The following KPNA7 variants were observed in gnomAD, a reference collection of about 807,000 sequenced individuals.
KPNA7 encodes the protein importin subunit alpha-8.
KPNA7 carries 54 observed loss-of-function variants against 53.7 expected under a neutral mutation model. That is an observed-to-expected ratio of 1.01 (90% confidence interval 0.81 to 1.26). The LOEUF (loss-of-function observed/expected upper bound fraction) is 1.26, where lower values mean the gene tolerates loss of function less well. Ranked by LOEUF, KPNA7 falls within the 50% of genes most tolerant of loss-of-function variation. The probability of loss-of-function intolerance (pLI) is 0.00; values close to 1 mark genes in which losing one functional copy is unlikely to be tolerated. For synonymous variants in KPNA7, 276 were observed against 259.3 expected (o/e 1.06, Z -0.62); for missense variants, 640 against 644.5 (o/e 0.99, Z 0.07).
Position 99,203,142 on chromosome 7 carries a change from A to G in KPNA7, c.165T>C (p.Pro55=). Residue 55 remains proline, a synonymous_variant, in exon 3 of 11, where the codon CCT becomes CCC. Transcript: ENST00000327442. ...TGGCTGTTTTTTCAGAAGGTGTGTCAGGGCAGAAGCTCGTGATATTCCTTC... is the reference window on the plus strand; with the variant it reads ...TGGCTGTTTTTTCAGAAGGTGTGTCGGGGCAGAAGCTCGTGATATTCCTTC... ...LKRRNITSFC[P]DTPSEKTAKG... The G allele has an allele frequency of 6.4e-7, 1 of 1,551,708 alleles. No individual in the cohort carries two copies.
chr7:99,203,692 A>G (rs973810585), intron 2 of KPNA7, among the ~76,000 whole-genome samples: 2 of 151,672 alleles, frequency 1.3e-5, no homozygotes, highest in Non-Finnish European at 2.9e-5. Flanking sequence ...CATTTCCACT[A>G]TATTTATATA....
At chr7:99,161,570 C>G in the KPNA7 span, among the ~76,000 whole-genome samples, 1 of 152,088 alleles carries the variant, frequency 6.6e-6, no homozygotes, top group South Asian at 2.1e-4. Context: ...TTTTTTTAAG[C>G]TGTTAAGTTT....
chr7:99,215,102 G>T (rs1445868157), intron 1 of KPNA7, among the ~76,000 whole-genome samples: 1 of 151,890 alleles, frequency 6.6e-6, no homozygotes, highest in African/African-American at 2.4e-5. Flanking sequence ...AACTCGGCGC[G>T]GTGGCTCATG....
At chr7:99,182,789 G>A (rs1265974318) in intron 8 of KPNA7, among the ~76,000 whole-genome samples, 2 of 151,398 alleles carry the variant, frequency 1.3e-5, no homozygotes, top group Non-Finnish European at 2.9e-5. Flanking sequence ...AACCAATTCA[G>A]GTAATCTACA....
intron 6 of KPNA7, among the ~76,000 whole-genome samples, chr7:99,189,358 C>T (rs1451640270): frequency 1.3e-5 from 2 of 152,004 alleles, no homozygotes; most frequent in Admixed American, 6.6e-5. Context: ...AACTCCTGGG[C>T]TCAAGTGATC....
chr7:99,165,089 C>T, the KPNA7 span, among the ~76,000 whole-genome samples: 3 of 152,086 alleles, frequency 2.0e-5, no homozygotes, highest in South Asian at 2.1e-4. Flanking sequence ...TGCAGTGAGC[C>T]GAGATCATGC....
intron 1 of KPNA7, among the ~76,000 whole-genome samples, chr7:99,217,345 T>C (rs1232925905): frequency 6.6e-6 from 1 of 152,218 alleles, no homozygotes; most frequent in African/African-American, 2.4e-5. Flanking sequence ...ATCTGTATGT[T>C]CAGATCTGCA....
At chr7:99,162,741 T>C in the KPNA7 span, among the ~76,000 whole-genome samples, 96 of 152,210 alleles carry the variant, frequency 6.3e-4, no homozygotes, top group African/African-American at 2.2e-3. Context: ...TCCAGCTCTT[T>C]TAATTAAAAA....
In KPNA7 at chr7:99,180,718, T is replaced by C. The variant is rs541722012; in HGVS notation, c.1317+1165A>G. On this transcript the variant is annotated intron_variant, in intron 9 of 10. Coordinates refer to ENST00000327442, the MANE Select transcript of KPNA7 (RefSeq NM_001145715.3). ...GTCTCTGTCTGTGTCTCTCTCTCTC[T>C]CCGTCTGTGTCTCTCTCTCTCCCCG... Among the ~76,000 whole-genome samples, 555 of 138,384 alleles carry C rather than the reference T, an allele frequency of 4.0e-3. 44 individuals are homozygous for C. The highest frequency in any genetic ancestry group is 0.015 in the African/African-American group (527 of 35,360). The allele number at this position is 138,384 out of a possible 152,430, so 90.8% of individuals were successfully genotyped here.
intron 2 of KPNA7, among the ~76,000 whole-genome samples, chr7:99,207,152 A>G (rs985814255): frequency 7.4e-4 from 112 of 152,164 alleles, no homozygotes; most frequent in African/African-American, 2.6e-3. Context: ...CTCCTGCCTC[A>G]GCCTCCCAAG....
Position 99,195,155 on chromosome 7 carries a change from T to TC in KPNA7, c.467dup (p.Ala157SerfsTer7), listed in dbSNP as rs754954968. 1 of 1,551,338 alleles carries TC rather than the reference T, an allele frequency of 6.4e-7. No individual in the cohort carries two copies. The highest frequency in any genetic ancestry group is 1.2e-5 in the South Asian group (1 of 84,040). ...GGAGCTCAATCAAGGGCTGGATGGC[T>TC]CCCCCTTCTACCACGGCACGAGTCT... is the stretch of plus-strand genomic sequence containing the variant. On this transcript the variant is annotated frameshift_variant, in exon 5 of 11. Coordinates refer to ENST00000327442, the MANE Select transcript of KPNA7 (RefSeq NM_001145715.3). LOFTEE classifies it high-confidence loss of function.
At chr7:99,166,469 C>T in the KPNA7 span, among the ~76,000 whole-genome samples, 2 of 152,146 alleles carry the variant, frequency 1.3e-5, no homozygotes, top group Non-Finnish European at 2.9e-5. Flanking sequence ...TGTGCACCAC[C>T]ATGCTCAGCT....
chr7:99,213,893 G>T (rs1554473036), intron 1 of KPNA7, among the ~76,000 whole-genome samples: 3 of 152,220 alleles, frequency 2.0e-5, no homozygotes, highest in East Asian at 1.9e-4. Context: ...ATGCACATGA[G>T]CCACTGCACC....
chr7:99,212,096 T>TACAATA (rs1480587191), upstream of KPNA7, among the ~76,000 whole-genome samples: 3 of 152,060 alleles, frequency 2.0e-5, no homozygotes, highest in African/African-American at 4.8e-5. Flanking sequence ...CAATACAACT[T>TACAATA]CAAGCTCGAG....
chr7:99,213,466 G>A (rs1031040350), intron 1 of KPNA7, among the ~76,000 whole-genome samples: 1 of 138,804 alleles, frequency 7.2e-6, no homozygotes, highest in Non-Finnish European at 1.5e-5. Context: ...AAGAGAGAGA[G>A]ACAGAGTCTC....
At chr7:99,210,025 A>C (rs976929670), upstream of KPNA7, among the ~76,000 whole-genome samples, 2 of 151,020 alleles carry the variant, frequency 1.3e-5, no homozygotes, top group African/African-American at 4.9e-5. Flanking sequence ...CAAACAAAAA[A>C]AAGAAAAAAT....
downstream of KPNA7, among the ~76,000 whole-genome samples, chr7:99,170,957 T>G (rs1798759825): frequency 6.6e-6 from 1 of 152,126 alleles, no homozygotes; most frequent in Non-Finnish European, 1.5e-5. Flanking sequence ...AGTCCATGTT[T>G]TCAAAGGCCA....
the KPNA7 span, among the ~76,000 whole-genome samples, chr7:99,146,799 C>T: frequency 6.7e-6 from 1 of 150,122 alleles, no homozygotes; most frequent in African/African-American, 2.5e-5. Context: ...TATAGCTTAG[C>T]CCAGCCTACC....
the KPNA7 span, among the ~76,000 whole-genome samples, chr7:99,148,999 G>A: frequency 1.1e-4 from 16 of 149,238 alleles, no homozygotes; most frequent in Non-Finnish European, 1.5e-4. Context: ...AGATTCAAGC[G>A]ATTCTCCTGC....
Sources: gnomAD v4.1 joint callset for allele counts (sites outside exome capture counted in the v4.1 genomes callset) on GRCh38, gnomAD v4.1.1 for gene constraint, MANE v1.5 for transcripts, NCBI Gene and HGNC (gene_info 2026-07-23, HGNC 2026-07-21) for gene names.